TANC1: variants seen among roughly 807,000 people sequenced by gnomAD.
TANC1 encodes the protein tetratricopeptide repeat, ankyrin repeat and coiled-coil containing 1, also known as protein TANC1.
Under a neutral mutation model 149.7 loss-of-function variants are expected in TANC1, and 77 were observed. The ratio of observed to expected loss-of-function variants is 0.51; its 90% CI spans 0.43 to 0.62. The LOEUF is 0.62. Among genes scored for constraint, TANC1 ranks in the 20% least tolerant of loss-of-function variants. TANC1 has a pLI of 0.00. For synonymous variants in TANC1, 854 were observed against 925.0 expected (o/e 0.92, Z 1.39); for missense variants, 1,985 against 2,321.8 (o/e 0.85, Z 2.98).
At chr2:159,158,503 TA>T (rs2053669050) in intron 7 of TANC1, among the ~76,000 whole-genome samples, 1 of 152,210 alleles carries the variant, frequency 6.6e-6, no homozygotes, top group Non-Finnish European at 1.5e-5. Flanking sequence ...TGGCATATAG[TA>T]AACAGTATTC....
At chr2:159,107,246 C>T (rs771876664) in intron 4 of TANC1, among the ~76,000 whole-genome samples, 1 of 152,084 alleles carries the variant, frequency 6.6e-6, no homozygotes, top group Non-Finnish European at 1.5e-5. Context: ...AGGCTGGTCT[C>T]GAACTCCAGA....
intron 5 of TANC1, among the ~76,000 whole-genome samples, chr2:159,145,029 A>G (rs1229291035): frequency 1.4e-5 from 2 of 144,494 alleles, no homozygotes; most frequent in African/African-American, 2.4e-5. Context: ...GAGGACGAGA[A>G]TGGAGGAAAG....
intron 19 of TANC1, among the ~76,000 whole-genome samples, chr2:159,209,570 C>T (rs541441688): frequency 4.6e-5 from 7 of 152,238 alleles, no homozygotes; most frequent in Admixed American, 2.0e-4. Flanking sequence ...GTGTGACGGC[C>T]GAGCTCCCAG....
rs554200642 is a variant in TANC1, at chr2:159,227,816, T to C, written c.3904-3T>C. 26 of 1,613,346 alleles carry C rather than the reference T, an allele frequency of 1.6e-5. No individual in the cohort carries two copies. The African/African-American group carries it at 1.9e-4, about 12-fold the overall frequency. ...ACAAATGTTTGTGATTTTTGAATCCTAGAAAGGGAAAATGAAAGAGGCAGC... is the reference window on the plus strand; with the variant it reads ...ACAAATGTTTGTGATTTTTGAATCCCAGAAAGGGAAAATGAAAGAGGCAGC... On this transcript the variant is annotated splice_region_variant and splice_polypyrimidine_tract_variant and intron_variant, in intron 24 of 26. Transcript: ENST00000263635.
intron 2 of TANC1, among the ~76,000 whole-genome samples, chr2:159,038,888 C>T (rs1439493451): frequency 6.6e-6 from 1 of 152,160 alleles, no homozygotes; most frequent in Non-Finnish European, 1.5e-5. Context: ...AAGATTCCCT[C>T]TTTTTCTATT....
At chr2:159,019,653 GTTTTTTTTTTTTTTTTTTTTT>G (rs55746240) in intron 2 of TANC1, among the ~76,000 whole-genome samples, 2 of 73,304 alleles carry the variant, frequency 2.7e-5, no homozygotes, top group Non-Finnish European at 2.5e-5. Flanking sequence ...CTTTCTTTCT[GTTTTTTTTTTTTTTTTTTTTT>G]TTTTTTTTTT....
intron 2 of TANC1, among the ~76,000 whole-genome samples, chr2:159,005,180 A>G (rs1417000575): frequency 1.3e-5 from 2 of 152,204 alleles, no homozygotes; most frequent in South Asian, 2.1e-4. Context: ...TGTCATGGCC[A>G]TCACACACGT....
intron 20 of TANC1, among the ~76,000 whole-genome samples, chr2:159,218,985 TTCTC>T (rs1313701686): frequency 5.9e-5 from 9 of 152,192 alleles, no homozygotes; most frequent in Non-Finnish European, 1.3e-4. Context: ...AAATTACCAT[TTCTC>T]TCTGGTATGT....
At chr2:158,989,226 G>A (rs1378020775) in intron 1 of TANC1, among the ~76,000 whole-genome samples, 1 of 152,100 alleles carries the variant, frequency 6.6e-6, no homozygotes, top group Non-Finnish European at 1.5e-5. Flanking sequence ...TTTTTGGGGG[G>A]TGCTGGGCAA....
chr2:159,094,672 G>A (rs568867341), intron 3 of TANC1, among the ~76,000 whole-genome samples: 1 of 151,988 alleles, frequency 6.6e-6, no homozygotes, highest in Admixed American at 6.6e-5. Context: ...CCAGACTCAT[G>A]CACAGTGCTA....
intron 5 of TANC1, chr2:159,147,721 T>G (rs2052301063): frequency 6.6e-6 from 1 of 152,288 alleles, no homozygotes; most frequent in African/African-American, 2.4e-5. Context: ...CTTGGTTTCC[T>G]TACCCCTGCA....
intron 16 of TANC1, among the ~76,000 whole-genome samples, chr2:159,193,278 T>A (rs1311561554): frequency 6.6e-6 from 1 of 152,246 alleles, no homozygotes; most frequent in South Asian, 2.1e-4. Flanking sequence ...TTTACCCATG[T>A]TGTCACATAT....
At position 159,219,506 on chromosome 2, in the gene TANC1, G is replaced by A. The variant is rs2059554620; in HGVS notation, c.3502+145G>A. On this transcript the variant is annotated intron_variant, in intron 21 of 26. Transcript: ENST00000263635. ...AACAGTAGAGAGAATAGGCAACACA[G>A]CCACATGCCTGGTATTCCTCTTCAG... 2.3e-6 allele frequency: 3 copies of A among 1,309,480 alleles called. No individual in the cohort carries two copies. In the South Asian group the frequency reaches 4.0e-5, roughly 17 times the overall value. The allele number at this position is 1,309,480 out of a possible 1,614,324, so 81.1% of individuals were successfully genotyped here. A position where few individuals can be genotyped will look rare whatever the true frequency, so the allele number is the denominator to read the frequency against.
chr2:159,215,958 G>A (rs2059318042), intron 19 of TANC1, among the ~76,000 whole-genome samples: 1 of 152,182 alleles, frequency 6.6e-6, no homozygotes, highest in South Asian at 2.1e-4. Flanking sequence ...GGTGCGGTGA[G>A]CATTTTTGCT....
At chr2:159,175,996 G>C (rs1484009067) in intron 12 of TANC1, among the ~76,000 whole-genome samples, 1 of 152,160 alleles carries the variant, frequency 6.6e-6, no homozygotes, top group African/African-American at 2.4e-5. Context: ...GAGCTCTCAT[G>C]GGGGGACCTA....
intron 1 of TANC1, among the ~76,000 whole-genome samples, chr2:158,972,424 C>T (rs1012090544): frequency 2.0e-5 from 3 of 152,084 alleles, no homozygotes; most frequent in Non-Finnish European, 4.4e-5. Flanking sequence ...TACATCCTTC[C>T]CTTATGCTGT....
chr2:159,014,936 A>G (rs1056270160), intron 2 of TANC1, among the ~76,000 whole-genome samples: 7 of 152,202 alleles, frequency 4.6e-5, no homozygotes, highest in Non-Finnish European at 8.8e-5. Context: ...ACAGGCTGGC[A>G]TGAGTGTCTG....
intron 1 of TANC1, among the ~76,000 whole-genome samples, chr2:158,996,775 T>C (rs2036170156): frequency 6.6e-6 from 1 of 152,198 alleles, no homozygotes; most frequent in Non-Finnish European, 1.5e-5. Context: ...CACGTAGACA[T>C]AAGTATTGTA....
At chr2:159,045,798 C>T (rs545474655) in intron 2 of TANC1, among the ~76,000 whole-genome samples, 1 of 152,292 alleles carries the variant, frequency 6.6e-6, no homozygotes, top group South Asian at 2.1e-4. Context: ...TGCCATAATT[C>T]ATATCGTAAA....
Sources: allele counts gnomAD v4.1 joint callset (sites outside exome capture counted in the v4.1 genomes callset), GRCh38; gene constraint gnomAD v4.1.1; transcripts MANE v1.5; gene names NCBI Gene and HGNC (gene_info 2026-07-23, HGNC 2026-07-21).